MYH10: variants seen among roughly 807,000 people sequenced by gnomAD.
MYH10 encodes myosin heavy chain 10, also known as myosin-10.
A neutral mutation model predicts 257.8 loss-of-function variants in MYH10; 55 were observed. That is an observed-to-expected ratio of 0.21 (90% confidence interval 0.17 to 0.27). The LOEUF (loss-of-function observed/expected upper bound fraction) is 0.27. Among genes scored for constraint, MYH10 ranks in the 10% least tolerant of loss-of-function variants. The probability of loss-of-function intolerance (pLI) is 1.00; values close to 1 mark genes in which losing one functional copy is unlikely to be tolerated. For missense variants in MYH10, 1,631 were observed against 2,500.6 expected (o/e 0.65, Z 7.42); for synonymous variants, 854 against 921.7 (o/e 0.93, Z 1.33).
At chr17:8,527,672 A>C (rs1432777862) in intron 17 of MYH10, among the ~76,000 whole-genome samples, 2 of 152,200 alleles carry the variant, frequency 1.3e-5, no homozygotes, top group Non-Finnish European at 2.9e-5. Flanking sequence ...CAACTCTACA[A>C]CACCACACAT....
chr17:8,500,749 G>A, intron 29 of MYH10, 77 bp downstream of exon 29: 1 of 1,533,124 alleles, frequency 6.5e-7, no homozygotes, highest in Non-Finnish European at 8.8e-7. Context: ...TGACTGAACA[G>A]AACGGGCAGA....
intron 2 of MYH10, among the ~76,000 whole-genome samples, chr17:8,621,305 C>T (rs549266320): frequency 6.6e-6 from 1 of 152,256 alleles, no homozygotes; most frequent in African/African-American, 2.4e-5. Context: ...ACTCCTTCAC[C>T]CCATGATCCC....
intron 7 of MYH10, among the ~76,000 whole-genome samples, chr17:8,556,512 A>G (rs1236765493): frequency 1.3e-5 from 2 of 152,234 alleles, no homozygotes; most frequent in Admixed American, 1.3e-4. Flanking sequence ...AAGAAACTAG[A>G]CATAAAGCAC....
chr17:8,475,638 A>T lies in MYH10; in HGVS notation c.*166T>A. Reference sequence around the variant, plus strand: ...TATATATAAAAAGGGGAGCAATTGTACCTAAGTCTGAAGCAGGATACAGTA... The same window carrying T: ...TATATATAAAAAGGGGAGCAATTGTTCCTAAGTCTGAAGCAGGATACAGTA... On this transcript the variant is annotated 3_prime_UTR_variant, in exon 43 of 43. Transcript: ENST00000360416. 1 of 719,718 alleles carries T rather than the reference A, an allele frequency of 1.4e-6. No homozygotes were observed. Among genetic ancestry groups the T allele is most frequent in the Non-Finnish European group, 2.3e-6 (1 of 432,166 alleles). 44.6% of individuals were successfully genotyped at this position (719,718 alleles called of 1,614,324 possible).
chr17:8,565,362 G>A (rs2151992105), intron 7 of MYH10, among the ~76,000 whole-genome samples: 1 of 152,260 alleles, frequency 6.6e-6, no homozygotes, highest in South Asian at 2.1e-4. Context: ...AAATATTAAA[G>A]GGGAATTTTA....
intron 37 of MYH10, among the ~76,000 whole-genome samples, chr17:8,483,233 TAC>T (rs1914164065): frequency 6.6e-6 from 1 of 152,196 alleles, no homozygotes; most frequent in Non-Finnish European, 1.5e-5. Context: ...GAGGGGAATT[TAC>T]AGTCTTTTAT....
At chr17:8,517,751 C>A (rs1241757773) in intron 21 of MYH10, among the ~76,000 whole-genome samples, 1 of 152,152 alleles carries the variant, frequency 6.6e-6, no homozygotes. Context: ...GTATAGATTC[C>A]CCCTCACTGC....
Position 8,495,291 on chromosome 17 carries a change from G to A in MYH10, c.3952-50C>T, listed in dbSNP as rs183119754. The A allele has an allele frequency of 1.4e-3, 1,733 of 1,197,686 alleles. 50 individuals are homozygous for A. In the Admixed American group the frequency reaches 0.029, roughly 20 times the overall value. 74.2% of individuals were successfully genotyped at this position (1,197,686 alleles called of 1,614,324 possible). A position where few individuals can be genotyped will look rare whatever the true frequency, so the allele number is the denominator to read the frequency against. On this transcript the variant is annotated intron_variant, in intron 30 of 42. Coordinates refer to ENST00000360416, the MANE Select transcript of MYH10 (RefSeq NM_001256012.3). Reference sequence around the variant, plus strand: ...CAACTCAATAGTAAGCAAGCAGAAAGGGTCTAGAAACACAGCTTTTAAACA... The same window carrying A: ...CAACTCAATAGTAAGCAAGCAGAAAAGGTCTAGAAACACAGCTTTTAAACA...
intron 2 of MYH10, among the ~76,000 whole-genome samples, chr17:8,609,346 T>C (rs1447904200): frequency 6.6e-6 from 1 of 151,140 alleles, no homozygotes; most frequent in Non-Finnish European, 1.5e-5. Context: ...CAGACCACCA[T>C]CGAGAAGGAA....
In MYH10 at chr17:8,545,436, G is replaced by A; in HGVS notation, c.1431+12C>T. On this transcript the variant is annotated intron_variant, in intron 13 of 42. Transcript: ENST00000360416. This position sits in a 1 kb window ranked among gnomAD's most constrained non-coding sequence, Gnocchi z 4.7. ...AAAGAAGGACGAGCTAGAGGAAGAG[G>A]GGGAAGAATACCTCAAAAATTTCAA... The A allele has an allele frequency of 2.5e-6, 4 of 1,612,616 alleles. No individual in the cohort carries two copies. Among genetic ancestry groups the A allele is most frequent in the Non-Finnish European group, 3.4e-6 (4 of 1,179,538 alleles).
intron 23 of MYH10, 140 bp downstream of exon 23, chr17:8,513,398 A>G (rs995340151): frequency 1.6e-5 from 21 of 1,306,618 alleles, no homozygotes; most frequent in African/African-American, 3.0e-5. Context: ...ACAATTTGGA[A>G]ATGAGTGAAA....
chr17:8,621,847 C>T (rs918561079), intron 2 of MYH10, among the ~76,000 whole-genome samples: 3 of 152,284 alleles, frequency 2.0e-5, no homozygotes, highest in South Asian at 4.1e-4. Context: ...TTAACTGACC[C>T]GCTGGAGAAA....
intron 6 of MYH10, among the ~76,000 whole-genome samples, chr17:8,572,659 A>G (rs1443507312): frequency 6.6e-6 from 1 of 152,118 alleles, no homozygotes; most frequent in Non-Finnish European, 1.5e-5. Flanking sequence ...AAAGGCAGCA[A>G]GAAGATTTAT....
Position 8,553,959 on chromosome 17 carries a change from T to A in MYH10, c.816A>T (p.Glu272Asp). 6.2e-7 allele frequency: 1 copy of A among 1,612,156 alleles called. No individual in the cohort carries two copies. Among genetic ancestry groups the A allele is most frequent in the Non-Finnish European group, 8.5e-7 (1 of 1,178,500 alleles). The change falls in exon 8 of 43, where the codon GAA becomes GAT. Residue 272 changes from glutamate to aspartate, a missense_variant. Glu to Asp is a conservative substitution (Grantham distance 45). Around this residue, in one of 11 missense-constraint regions of MYH10, gnomAD observed 360 missense variants for 581.9 expected, o/e 0.62. Transcript: ENST00000360416. ...TACATTTATGAAAAAGGATACATGT[T>A]TCAATGTTGGCCCCAACGATATAGC... ...VTGYIVGANIETYLLEKSRAV... is the reference protein window; with the variant it reads ...VTGYIVGANIDTYLLEKSRAV...
chr17:8,542,350 A>G lies in MYH10; in HGVS notation c.1432-70T>C, dbSNP rs1180334432. ...GGAAAATGGGAATAATTAGTTATGT[A>G]GTTATAAAAAAATTTTTCATTAAAC... On this transcript the variant is annotated intron_variant, in intron 13 of 42. Coordinates refer to ENST00000360416, the MANE Select transcript of MYH10 (RefSeq NM_001256012.3). 5.0e-6 allele frequency: 7 copies of G among 1,409,626 alleles called. No individual in the cohort carries two copies. In the Admixed American group the frequency reaches 1.4e-4, roughly 28 times the overall value. 87.3% of individuals were successfully genotyped at this position (1,409,626 alleles called of 1,614,324 possible). A position where few individuals can be genotyped will look rare whatever the true frequency, so the allele number is the denominator to read the frequency against.
chr17:8,476,862 G>T lies in MYH10; in HGVS notation c.5879+14C>A, dbSNP rs370946680. ...AGCAGCTGCCTGTCAGCTCGGGGCC[G>T]CATGCCTGCTCACCTCAGCCGGTTC... On this transcript the variant is annotated intron_variant, in intron 42 of 42. Coordinates refer to ENST00000360416, the MANE Select transcript of MYH10 (RefSeq NM_001256012.3). The T allele has an allele frequency of 1.3e-6, 2 of 1,598,486 alleles. No homozygotes were observed. Among genetic ancestry groups the T allele is most frequent in the South Asian group, 2.2e-5 (2 of 90,792 alleles).
Position 8,493,889 on chromosome 17 carries a change from T to C in MYH10, c.4057-4A>G, listed in dbSNP as rs1916145183. The C allele has an allele frequency of 1.9e-6, 3 of 1,591,656 alleles. No individual in the cohort carries two copies. In the African/African-American group the frequency reaches 4.1e-5, roughly 22 times the overall value. Reference sequence around the variant, plus strand: ...GTGTCTCCTCCTGAAGAAGCTCCTGTGTTTTTTTTTTAAAGGGCAACACTT... The same window carrying C: ...GTGTCTCCTCCTGAAGAAGCTCCTGCGTTTTTTTTTTAAAGGGCAACACTT... On this transcript the variant is annotated splice_region_variant and splice_polypyrimidine_tract_variant and intron_variant, in intron 31 of 42. Transcript: ENST00000360416.
At chr17:8,495,745 T>A (rs1916488159) in intron 30 of MYH10, among the ~76,000 whole-genome samples, 1 of 151,874 alleles carries the variant, frequency 6.6e-6, no homozygotes, top group African/African-American at 2.4e-5. Flanking sequence ...AGTCTCACCC[T>A]GTCGCCCTGG....
intron 9 of MYH10, among the ~76,000 whole-genome samples, chr17:8,550,593 G>C (rs1285570975): frequency 6.6e-6 from 1 of 151,472 alleles, no homozygotes; most frequent in African/African-American, 2.4e-5. Flanking sequence ...GCCCCTACTG[G>C]GAAGTGAGGA....
Sources: allele counts gnomAD v4.1 joint callset (sites outside exome capture counted in the v4.1 genomes callset), GRCh38; gene constraint gnomAD v4.1.1; regional missense constraint gnomAD v4.1.1; non-coding constraint Gnocchi (gnomAD v3.1); transcripts MANE v1.5; gene names NCBI Gene and HGNC (gene_info 2026-07-23, HGNC 2026-07-21).